The following WDR45B variants were observed in gnomAD, a reference collection of about 807,000 sequenced individuals.
WDR45B encodes the protein WD repeat domain 45B, also known as WD repeat domain phosphoinositide-interacting protein 3.
In WDR45B, 20 loss-of-function variants were observed where a neutral mutation model predicts 44.6. The observed-to-expected ratio is 0.45, with a 90% CI of 0.32 to 0.65. The LOEUF is 0.65. Ranked by LOEUF, WDR45B falls within the 30% of genes least tolerant of loss-of-function variation. The probability of loss-of-function intolerance (pLI) is 0.05; values close to 1 mark genes in which losing one functional copy is unlikely to be tolerated. For missense variants in WDR45B, 323 were observed against 430.2 expected, an observed-to-expected ratio of 0.75 and a Z score of 2.20; for synonymous variants, 169 against 164.9, an observed-to-expected ratio of 1.02 and a Z score of -0.19.
intron 2 of WDR45B, among the ~76,000 whole-genome samples, chr17:82,642,686 G>T (rs1429884844): frequency 6.6e-6 from 1 of 152,180 alleles, no homozygotes; most frequent in Non-Finnish European, 1.5e-5. Flanking sequence ...CGTCAGAACT[G>T]AAAGGACACC....
At chr17:82,623,670 C>T (rs2045651146) in intron 5 of WDR45B, among the ~76,000 whole-genome samples, 1 of 149,974 alleles carries the variant, frequency 6.7e-6, no homozygotes, top group South Asian at 2.1e-4. Context: ...TGCACTCCAG[C>T]TTGGGCAACA....
At chr17:82,620,646 T>C (rs1598260424) in intron 6 of WDR45B, among the ~76,000 whole-genome samples, 1 of 152,114 alleles carries the variant, frequency 6.6e-6, no homozygotes, top group South Asian at 2.1e-4. Flanking sequence ...CGGCTTGCGG[T>C]CTCACCTCCT....
intron 1 of WDR45B, chr17:82,644,491 G>A (rs1012458490): frequency 9.9e-5 from 21 of 212,518 alleles, no homozygotes; most frequent in Admixed American, 6.7e-4. Flanking sequence ...GTGGTCTCCC[G>A]TGACTTTGCT....
intron 1 of WDR45B, among the ~76,000 whole-genome samples, chr17:82,646,047 G>C (rs932541954): frequency 6.6e-6 from 1 of 151,724 alleles, no homozygotes; most frequent in African/African-American, 2.4e-5. Context: ...CTTGAACCCA[G>C]GAGGCAGAGG....
At chr17:82,621,883 GA>G in intron 5 of WDR45B, 84 bp from the exon 6 acceptor site, 1 of 1,373,668 alleles carries the variant, frequency 7.3e-7, no homozygotes, top group Non-Finnish European at 1.0e-6. Flanking sequence ...AAAGTTCTCC[GA>G]AAAAATAGAT....
chr17:82,646,160 A>G (rs572869853), intron 1 of WDR45B, among the ~76,000 whole-genome samples: 36 of 149,580 alleles, frequency 2.4e-4, no homozygotes, highest in South Asian at 6.3e-4. Flanking sequence ...ACTCAACAAT[A>G]CGGAAAAAAA....
At chr17:82,622,469 C>T (rs970550097) in intron 5 of WDR45B, among the ~76,000 whole-genome samples, 3 of 152,182 alleles carry the variant, frequency 2.0e-5, no homozygotes, top group Non-Finnish European at 4.4e-5. Context: ...CTGGCCCTGT[C>T]ACCCAGGCTG....
chr17:82,626,948 C>T (rs532618661), intron 4 of WDR45B: 3 of 541,520 alleles, frequency 5.5e-6, no homozygotes, highest in South Asian at 4.0e-5. Context: ...GTGAGACCCA[C>T]TGGCTGGTCC....
intron 1 of WDR45B, 26 bp downstream of exon 1, chr17:82,648,248 A>T: frequency 6.3e-7 from 1 of 1,598,078 alleles, no homozygotes; most frequent in Non-Finnish European, 8.5e-7. Context: ...CCGGCCGGGC[A>T]AGGCGACAGG....
chr17:82,646,965 C>T (rs2045986139), intron 1 of WDR45B, among the ~76,000 whole-genome samples: 1 of 152,350 alleles, frequency 6.6e-6, no homozygotes, highest in Middle Eastern at 3.4e-3. Context: ...GGCGCAGTGG[C>T]TCACGCCTGT....
chr17:82,615,646 G>A lies in WDR45B; in HGVS notation c.*273C>T. On this transcript the variant is annotated 3_prime_UTR_variant, in exon 10 of 10. Coordinates refer to ENST00000392325, the MANE Select transcript of WDR45B (RefSeq NM_019613.4). ...GTGAGGATGCGGCGGAGCCACTGAA[G>A]CTAACGTCACAGCTGAACTCATGGG... is the stretch of plus-strand genomic sequence containing the variant. The A allele has an allele frequency of 2.0e-6, 1 of 500,842 alleles. No individual in the cohort carries two copies. The highest frequency in any genetic ancestry group is 3.7e-6 in the Non-Finnish European group (1 of 273,698). 31.0% of individuals were successfully genotyped at this position (500,842 alleles called of 1,614,324 possible).
At chr17:82,623,646 C>T (rs1386511846) in intron 5 of WDR45B, among the ~76,000 whole-genome samples, 2 of 147,394 alleles carry the variant, frequency 1.4e-5, no homozygotes, top group Non-Finnish European at 3.0e-5. Flanking sequence ...TGCAGTGAGC[C>T]GAGATCATGC....
At chr17:82,636,303 G>A in intron 2 of WDR45B, among the ~76,000 whole-genome samples, 1 of 150,414 alleles carries the variant, frequency 6.6e-6, no homozygotes, top group East Asian at 1.9e-4. Context: ...GTCAGTCACA[G>A]GCACAGTTAG....
chr17:82,646,136 A>G (rs74648424), intron 1 of WDR45B, among the ~76,000 whole-genome samples: 1 of 151,294 alleles, frequency 6.6e-6, no homozygotes, highest in African/African-American at 2.4e-5. Context: ...AAAAAAAAAA[A>G]GATCTACAAC....
At position 82,630,948 on chromosome 17, in the gene WDR45B, T is replaced by C; in HGVS notation, c.217A>G (p.Lys73Glu). The part of the protein sequence containing the change: ...CNYLALVGGG[K>E]KPKYPPNKVM... ...TTGTTGGGAGGGTATTTCGGCTTTT[T>C]TCCACCACCAACTAAAGCTAAATAG... Residue 73 changes from lysine (K) to glutamate (E), a missense_variant, in exon 3 of 10, where the codon AAA (lysine) becomes GAA (glutamate). Transcript: ENST00000392325. The C allele has an allele frequency of 6.2e-7, 1 of 1,612,776 alleles. No individual in the cohort carries two copies. Among genetic ancestry groups the C allele is most frequent in the Non-Finnish European group, 8.5e-7 (1 of 1,180,018 alleles).
Position 82,648,391 on chromosome 17 carries a change from G to T in WDR45B, c.-51C>A. 1.9e-6 allele frequency: 3 copies of T among 1,587,454 alleles called. No homozygotes were observed. The highest frequency in any genetic ancestry group is 1.1e-5 in the South Asian group (1 of 88,130). On this transcript the variant is annotated 5_prime_UTR_variant, in exon 1 of 10. Transcript: ENST00000392325. ...CCTCAGCGCTGCATGCCTCTCGCTG[G>T]GGACGGCGGCCTGGTCCCTTCGGGC... is the stretch of plus-strand genomic sequence containing the variant.
intron 4 of WDR45B, chr17:82,625,743 G>C (rs930867308): frequency 2.7e-5 from 13 of 489,640 alleles, no homozygotes; most frequent in Non-Finnish European, 4.1e-5. Flanking sequence ...GGTTCAGAGA[G>C]ACATCATCAA....
chr17:82,618,129 C>T (rs545743782), intron 7 of WDR45B, among the ~76,000 whole-genome samples: 4 of 152,288 alleles, frequency 2.6e-5, no homozygotes, highest in African/African-American at 7.2e-5. Flanking sequence ...GGGGTTTCGC[C>T]ATGCTGGCCA....
chr17:82,645,093 C>T (rs1457502304), intron 1 of WDR45B, among the ~76,000 whole-genome samples: 7 of 152,030 alleles, frequency 4.6e-5, no homozygotes, highest in East Asian at 1.9e-4. Flanking sequence ...ATCAGGAGTT[C>T]GAGACCAGCC....
Sources: gnomAD v4.1 joint callset for allele counts (sites outside exome capture counted in the v4.1 genomes callset) on GRCh38, gnomAD v4.1.1 for gene constraint, MANE v1.5 for transcripts, NCBI Gene and HGNC (gene_info 2026-07-23, HGNC 2026-07-21) for gene names.